Variants in TEX101 observed in about 807,000 individuals in gnomAD.
TEX101 encodes the protein testis-expressed protein 101.
A neutral mutation model predicts 18.1 loss-of-function variants in TEX101; 10 were observed. The ratio of observed to expected loss-of-function variants is 0.55; its 90% confidence interval spans 0.34 to 0.94. TEX101 has a LOEUF of 0.94. Among genes scored for constraint, TEX101 ranks in the 40% least tolerant of loss-of-function variants. The pLI, the probability that TEX101 is intolerant of heterozygous loss-of-function variation, is 0.02. For synonymous variants in TEX101, 94 were observed against 114.8 expected (o/e 0.82, Z 1.16); for missense variants, 259 against 298.9 (o/e 0.87, Z 0.98).
intron 1 of TEX101, 135 bp downstream of exon 1, chr19:43,415,173 G>A (rs1375427036): frequency 6.0e-6 from 3 of 497,432 alleles, no homozygotes; most frequent in East Asian, 2.3e-4. Flanking sequence ...CAGACTCCTC[G>A]ATCCCTACAT....
At chr19:43,391,624 C>T in the TEX101 span, among the ~76,000 whole-genome samples, 1 of 152,030 alleles carries the variant, frequency 6.6e-6, no homozygotes, top group Non-Finnish European at 1.5e-5. Flanking sequence ...TCTCACTATA[C>T]GGTGTATCTT....
chr19:43,405,846 C>T (rs946066635), intron 2 of TEX101, among the ~76,000 whole-genome samples: 34 of 151,862 alleles, frequency 2.2e-4, no homozygotes, highest in South Asian at 1.0e-3. Context: ...ACCCAGGAGG[C>T]GGAGGTTGCA....
intron 2 of TEX101, among the ~76,000 whole-genome samples, chr19:43,404,836 T>C (rs185295793): frequency 1.9e-3 from 281 of 151,788 alleles, no homozygotes; most frequent in African/African-American, 6.4e-3. Context: ...TTTTAAAATA[T>C]ATAAGAAATA....
At chr19:43,389,493 G>A in the TEX101 span, among the ~76,000 whole-genome samples, 1 of 152,234 alleles carries the variant, frequency 6.6e-6, no homozygotes, top group African/African-American at 2.4e-5. Flanking sequence ...TCCTGCAGTA[G>A]CCAGAAGATC....
Position 43,416,883 on chromosome 19 carries a change from A to ATTAGC in TEX101, c.391+334_391+338dup, listed in dbSNP as rs527560439. On this transcript the variant is annotated intron_variant, in intron 4 of 5. Transcript: ENST00000598265. The stretch of plus-strand genomic sequence containing the variant: ...ACCTGTCTCTACTAAAAATACAAAA[A>ATTAGC]TTAGCTTAGCCTGGTGGCGCACACC... Among the ~76,000 whole-genome samples the ATTAGC allele has an allele frequency of 1.4e-4, 22 of 152,160 alleles. No individual in the cohort carries two copies. In the South Asian group the frequency reaches 4.4e-3, roughly 30 times the overall value.
At chr19:43,413,326 C>G (rs984249278), upstream of TEX101, among the ~76,000 whole-genome samples, 2 of 151,850 alleles carry the variant, frequency 1.3e-5, no homozygotes, top group African/African-American at 4.8e-5. Flanking sequence ...ACAGTGAAAC[C>G]CCATCTCTAC....
At chr19:43,391,774 C>T in the TEX101 span, among the ~76,000 whole-genome samples, 1 of 152,292 alleles carries the variant, frequency 6.6e-6, no homozygotes, top group African/African-American at 2.4e-5. Context: ...TGGCCATCGC[C>T]AACACTGCCG....
intron 3 of TEX101, among the ~76,000 whole-genome samples, chr19:43,407,227 T>C (rs1189228405): frequency 6.6e-6 from 1 of 152,180 alleles, no homozygotes; most frequent in Admixed American, 6.5e-5. Context: ...CTCACGCCTA[T>C]AATCCCAGCA....
At position 43,409,027 on chromosome 19, in the gene TEX101, T is replaced by G. The variant is rs114023287; in HGVS notation, c.15+2508T>G. 5.3e-3 allele frequency among the ~76,000 whole-genome samples: 807 copies of G among 152,320 alleles called. 8 individuals carry two copies. The highest frequency in any genetic ancestry group is 0.018 in the African/African-American group (745 of 41,558). On this transcript the variant is annotated intron_variant, in intron 3 of 7. Coordinates refer to the TEX101 transcript ENST00000602198. Reference sequence around the variant, plus strand: ...CAGTCAAATCAATAATTAGATTAATTGGCTGACTAAAGGAAAAACTTCAGA... The same window carrying G: ...CAGTCAAATCAATAATTAGATTAATGGGCTGACTAAAGGAAAAACTTCAGA...
the TEX101 span, among the ~76,000 whole-genome samples, chr19:43,396,070 A>G: frequency 0.33 from 49,552 of 151,768 alleles, 8,636 homozygotes; most frequent in East Asian, 0.72. Flanking sequence ...CTTACTCCCC[A>G]CTTTCCATCC....
At chr19:43,399,205 T>G (rs1314673216), upstream of TEX101, among the ~76,000 whole-genome samples, 1 of 152,114 alleles carries the variant, frequency 6.6e-6, no homozygotes, top group Non-Finnish European at 1.5e-5. Flanking sequence ...CTGGTTGCAT[T>G]TTTTTTAGGC....
At chr19:43,396,825 C>A (rs1409202047), upstream of TEX101, among the ~76,000 whole-genome samples, 2 of 129,738 alleles carry the variant, frequency 1.5e-5, no homozygotes, top group Non-Finnish European at 1.6e-5. Flanking sequence ...GTGTTTTCAG[C>A]ATTTTTTTTT....
intron 1 of TEX101, among the ~76,000 whole-genome samples, chr19:43,415,629 G>A (rs1970465827): frequency 6.6e-6 from 1 of 152,048 alleles, no homozygotes; most frequent in African/African-American, 2.4e-5. Flanking sequence ...TGGGTGTGGT[G>A]GCGGGCACCT....
upstream of TEX101, among the ~76,000 whole-genome samples, chr19:43,411,011 G>A (rs1230249883): frequency 6.6e-6 from 1 of 152,070 alleles, no homozygotes; most frequent in Non-Finnish European, 1.5e-5. Flanking sequence ...CAAAGTGTTG[G>A]GATTACAGGC....
chr19:43,418,098 A>AG, intron 5 of TEX101, 70 bp from the exon 6 acceptor site: 2 of 1,611,112 alleles, frequency 1.2e-6, no homozygotes, highest in East Asian at 4.5e-5. Context: ...TCCAGGGATG[A>AG]GGGGGGACTG....
At chr19:43,404,088 G>GAA (rs1198131129) in intron 2 of TEX101, among the ~76,000 whole-genome samples, 1 of 98,734 alleles carries the variant, frequency 1.0e-5, no homozygotes, top group Non-Finnish European at 2.1e-5. Context: ...TTTTTTTTTG[G>GAA]AAAAAAAAAA....
the TEX101 span, among the ~76,000 whole-genome samples, chr19:43,391,247 T>C: frequency 1.3e-5 from 2 of 152,192 alleles, no homozygotes; most frequent in Non-Finnish European, 2.9e-5. Flanking sequence ...CTTTCCGTTC[T>C]TTTCGGAATA....
At chr19:43,411,893 G>T (rs551679847), upstream of TEX101, among the ~76,000 whole-genome samples, 3 of 152,226 alleles carry the variant, frequency 2.0e-5, no homozygotes, top group East Asian at 3.9e-4. Flanking sequence ...CTGACCTCAG[G>T]TGAACCACCC....
the TEX101 span, among the ~76,000 whole-genome samples, chr19:43,395,653 A>G: frequency 6.6e-6 from 1 of 152,182 alleles, no homozygotes; most frequent in Non-Finnish European, 1.5e-5. Flanking sequence ...TCAGACCCAT[A>G]AGAGGGTGTG....
Sources: allele counts gnomAD v4.1 joint callset (sites outside exome capture counted in the v4.1 genomes callset), GRCh38; gene constraint gnomAD v4.1.1; transcripts MANE v1.5; gene names NCBI Gene and HGNC (gene_info 2026-07-23, HGNC 2026-07-21).